The following SLC16A12 variants were observed in gnomAD, a reference collection of about 807,000 sequenced individuals.
SLC16A12 encodes the protein solute carrier family 16 member 12.
SLC16A12 carries 17 observed loss-of-function variants against 42.4 expected under a neutral mutation model. That is an observed-to-expected ratio of 0.40 (90% CI 0.27 to 0.60). The LOEUF (loss-of-function observed/expected upper bound fraction) is 0.60, where lower values mean the gene tolerates loss of function less well. Among genes scored for constraint, SLC16A12 ranks in the 20% least tolerant of loss-of-function variants. The pLI, the probability that SLC16A12 is intolerant of heterozygous loss-of-function variation, is 0.42. For synonymous variants in SLC16A12, 224 were observed against 229.4 expected (o/e 0.98, Z 0.21); for missense variants, 544 against 623.0 (o/e 0.87, Z 1.35).
intron 3 of SLC16A12, among the ~76,000 whole-genome samples, chr10:89,458,352 CAGAAGTATG>C (rs1250816338): frequency 6.6e-6 from 1 of 152,174 alleles, no homozygotes; most frequent in Non-Finnish European, 1.5e-5. Flanking sequence ...CTTCCACAGA[CAGAAGTATG>C]AGAATTTGAC....
intron 2 of SLC16A12, among the ~76,000 whole-genome samples, chr10:89,515,864 A>G (rs1006876138): frequency 6.6e-6 from 1 of 152,196 alleles, no homozygotes; most frequent in Admixed American, 6.5e-5. Flanking sequence ...ATGAGCTTTC[A>G]TTTTCAATTA....
intron 2 of SLC16A12, among the ~76,000 whole-genome samples, chr10:89,485,549 T>C (rs188762323): frequency 1.3e-5 from 2 of 152,304 alleles, no homozygotes; most frequent in East Asian, 3.9e-4. Flanking sequence ...TTTAATGAGT[T>C]TATGCTACCT....
At chr10:89,497,159 G>A (rs969522398) in intron 2 of SLC16A12, among the ~76,000 whole-genome samples, 2 of 152,196 alleles carry the variant, frequency 1.3e-5, no homozygotes, top group Admixed American at 6.5e-5. Flanking sequence ...AAACCAGAGA[G>A]TGGGATATGG....
chr10:89,555,598 CATATATACAT>C (rs1021251976), intron 2 of SLC16A12, among the ~76,000 whole-genome samples: 1 of 132,670 alleles, frequency 7.5e-6, no homozygotes, highest in East Asian at 2.1e-4. Context: ...TATATATACA[CATATATACAT>C]ATATATACAG....
At chr10:89,541,356 A>G (rs1388407097) in intron 2 of SLC16A12, among the ~76,000 whole-genome samples, 5 of 152,136 alleles carry the variant, frequency 3.3e-5, no homozygotes, top group African/African-American at 1.2e-4. Flanking sequence ...ACATTTTGGG[A>G]GGCTAAGACC....
chr10:89,494,073 G>A (rs1395250223), intron 2 of SLC16A12, among the ~76,000 whole-genome samples: 2 of 152,142 alleles, frequency 1.3e-5, no homozygotes, highest in Non-Finnish European at 2.9e-5. Flanking sequence ...TCTTCTTGAA[G>A]AACTATAATA....
At chr10:89,453,442 T>C (rs1441095798) in intron 3 of SLC16A12, among the ~76,000 whole-genome samples, 5 of 152,216 alleles carry the variant, frequency 3.3e-5, no homozygotes, top group Non-Finnish European at 7.3e-5. Context: ...TGATCAACAA[T>C]AGACTACATA....
Position 89,508,744 on chromosome 10 carries a change from A to C in SLC16A12, c.-47+25757T>G, listed in dbSNP as rs548240006. ...ACTAAAATCAGAGCAGAACTGAAAG[A>C]GATAGAGACACAAAAAACCCTTCAA... On this transcript the variant is annotated intron_variant, in intron 2 of 7. Transcript: ENST00000371790. 3.9e-5 allele frequency among the ~76,000 whole-genome samples: 6 copies of C among 152,342 alleles called. No homozygotes were observed. The South Asian group carries it at 1.2e-3, about 32-fold the overall frequency.
At chr10:89,507,964 G>T (rs1564593620) in intron 2 of SLC16A12, among the ~76,000 whole-genome samples, 1 of 152,154 alleles carries the variant, frequency 6.6e-6, no homozygotes, top group African/African-American at 2.4e-5. Flanking sequence ...AACCAATAAA[G>T]ATCAAAAGAG....
intron 5 of SLC16A12, among the ~76,000 whole-genome samples, chr10:89,439,618 A>T (rs1297451677): frequency 6.6e-6 from 1 of 152,256 alleles, no homozygotes; most frequent in Non-Finnish European, 1.5e-5. Context: ...TTGGATTCAA[A>T]TAGCATGTAC....
chr10:89,434,515 T>G (rs1454877144), intron 7 of SLC16A12, among the ~76,000 whole-genome samples: 3 of 152,130 alleles, frequency 2.0e-5, no homozygotes, highest in Non-Finnish European at 4.4e-5. Flanking sequence ...TATCATGGAG[T>G]TCAAACTGAA....
chr10:89,510,122 A>G (rs1167458515), intron 2 of SLC16A12, among the ~76,000 whole-genome samples: 1 of 152,250 alleles, frequency 6.6e-6, no homozygotes, highest in Non-Finnish European at 1.5e-5. Context: ...ATGCTCATGG[A>G]TAGGAAGGAT....
intron 2 of SLC16A12, among the ~76,000 whole-genome samples, chr10:89,554,040 GAAAGAAAGAAAGA>G (rs1843787720): frequency 6.6e-5 from 3 of 45,480 alleles, no homozygotes; most frequent in African/African-American, 2.9e-4. Context: ...AAGGAAGAAA[GAAAGAAAGAAAGA>G]AAGAAAGAAA....
In SLC16A12 at chr10:89,547,966, CAAAAAAA is replaced by C. The variant is rs60543445; in HGVS notation, c.-47+7909_-47+7915del. Among the ~76,000 whole-genome samples the C allele has an allele frequency of 9.0e-3, 734 of 81,608 alleles. 1 individual carries two copies. Among genetic ancestry groups the C allele is most frequent in the Non-Finnish European group, 0.014 (573 of 42,076 alleles). The allele number at this position is 81,608 out of a possible 152,430, so 53.5% of individuals were successfully genotyped here. A position where few individuals can be genotyped will look rare whatever the true frequency, so the allele number is the denominator to read the frequency against. ...TCAAGCCACTGCACTCCAGCCTGGG[CAAAAAAA>C]AAAAAAAAAAAAAAAGTGGACTGCT... is the stretch of plus-strand genomic sequence containing the variant. On this transcript the variant is annotated intron_variant, in intron 2 of 2. Coordinates refer to the SLC16A12 transcript ENST00000475682.
chr10:89,437,244 G>C (rs1397691628), intron 6 of SLC16A12, among the ~76,000 whole-genome samples: 1 of 152,188 alleles, frequency 6.6e-6, no homozygotes, highest in Non-Finnish European at 1.5e-5. Context: ...TATATTTCAA[G>C]ATCTCCCAAG....
intron 2 of SLC16A12, among the ~76,000 whole-genome samples, chr10:89,513,893 G>T (rs1843203466): frequency 6.6e-6 from 1 of 152,196 alleles, no homozygotes; most frequent in South Asian, 2.1e-4. Flanking sequence ...TGGGAAAAAA[G>T]AAGTCAGATT....
At chr10:89,446,465 A>G (rs1432279815) in intron 3 of SLC16A12, among the ~76,000 whole-genome samples, 4 of 152,232 alleles carry the variant, frequency 2.6e-5, no homozygotes, top group African/African-American at 9.6e-5. Flanking sequence ...ACATTCTTAA[A>G]GAAAAAGAAT....
rs909868534 is a variant in SLC16A12 at position 89,492,539 on chromosome 10, G to C, written c.-46-29915C>G. Among the ~76,000 whole-genome samples, 3 of 152,186 alleles carry C rather than the reference G, an allele frequency of 2.0e-5. No homozygotes were observed. In the South Asian group the frequency reaches 6.2e-4, roughly 32 times the overall value. On this transcript the variant is annotated intron_variant, in intron 2 of 7. Transcript: ENST00000371790. ...GAGGCACCTGAGGTCAGGAGTTCGA[G>C]ACCAGCCTGATAAACGTGGAGAAAC...
chr10:89,483,574 A>C lies in SLC16A12; in HGVS notation c.-46-20950T>G, dbSNP rs562256707. On this transcript the variant is annotated intron_variant, in intron 2 of 7. Coordinates refer to ENST00000371790, the MANE Select transcript of SLC16A12 (RefSeq NM_213606.4). ...ATTGCAATAACCCTCTAAAATGAAG[A>C]AAATTGTCTGGGTACAGTGGCACAT... Among the ~76,000 whole-genome samples, 144 of 152,210 alleles carry C rather than the reference A, an allele frequency of 9.5e-4. 1 individual carries two copies. Among genetic ancestry groups the C allele is most frequent in the African/African-American group, 3.2e-3 (133 of 41,538 alleles).
Sources: gnomAD v4.1 joint callset for allele counts (sites outside exome capture counted in the v4.1 genomes callset) on GRCh38, gnomAD v4.1.1 for gene constraint, MANE v1.5 for transcripts, NCBI Gene and HGNC (gene_info 2026-07-23, HGNC 2026-07-21) for gene names.